GRIN2A: variants seen among roughly 807,000 people sequenced by gnomAD.
GRIN2A encodes the protein glutamate receptor ionotropic, NMDA 2A.
Under a neutral mutation model 113.4 loss-of-function variants are expected in GRIN2A, and 22 were observed. The ratio of observed to expected loss-of-function variants is 0.19; its 90% CI spans 0.14 to 0.28. The LOEUF (loss-of-function observed/expected upper bound fraction) is 0.28, where lower values mean the gene tolerates loss of function less well. Ranked by LOEUF, GRIN2A falls within the 10% of genes least tolerant of loss-of-function variation. The pLI is 1.00. For missense variants in GRIN2A, 1,502 were observed against 1,887.0 expected (o/e 0.80, Z 3.78); for synonymous variants, 827 against 738.4 (o/e 1.12, Z -1.94).
At chr16:10,046,784 T>C (rs1460318754) in intron 2 of GRIN2A, among the ~76,000 whole-genome samples, 1 of 152,180 alleles carries the variant, frequency 6.6e-6, no homozygotes, top group Non-Finnish European at 1.5e-5. Flanking sequence ...AAGTGCTTTG[T>C]GGGTATCATT....
At chr16:9,847,935 A>G (rs959836605) in intron 5 of GRIN2A, among the ~76,000 whole-genome samples, 16 of 146,028 alleles carry the variant, frequency 1.1e-4, no homozygotes, top group African/African-American at 3.7e-4. Context: ...ATATATATAT[A>G]AAAATATATA....
At chr16:9,915,275 G>A (rs9921963) in intron 3 of GRIN2A, among the ~76,000 whole-genome samples, 31,967 of 151,550 alleles carry the variant, frequency 0.21, 3,575 homozygotes, top group Middle Eastern at 0.28. Context: ...TGAAGCTGAC[G>A]GCAATTTACA....
chr16:9,876,832 G>A (rs558174801), intron 4 of GRIN2A, among the ~76,000 whole-genome samples: 1 of 152,284 alleles, frequency 6.6e-6, no homozygotes, highest in South Asian at 2.1e-4. Flanking sequence ...ATCTTTGGAT[G>A]ACTAGCTGGG....
chr16:10,031,559 G>C (rs943568194), intron 2 of GRIN2A: 1 of 152,264 alleles, frequency 6.6e-6, no homozygotes, highest in East Asian at 1.9e-4. Context: ...ACCCAGCAGA[G>C]AGCCCGTAGA....
chr16:10,059,441 T>C (rs1218846611), intron 2 of GRIN2A, among the ~76,000 whole-genome samples: 2 of 152,104 alleles, frequency 1.3e-5, no homozygotes, highest in Non-Finnish European at 2.9e-5. Flanking sequence ...GGGTACAGAA[T>C]TCAAGGAAGA....
intron 11 of GRIN2A, among the ~76,000 whole-genome samples, chr16:9,777,940 C>T (rs1451099557): frequency 1.3e-5 from 2 of 152,174 alleles, no homozygotes; most frequent in African/African-American, 4.8e-5. Context: ...TCGTGGGCGC[C>T]TGTAATCCCA....
intron 2 of GRIN2A, among the ~76,000 whole-genome samples, chr16:10,088,804 T>C (rs2048131134): frequency 6.6e-6 from 1 of 152,224 alleles, no homozygotes; most frequent in Non-Finnish European, 1.5e-5. Context: ...CATAGCCTTG[T>C]ATTCCCATCC....
intron 2 of GRIN2A, among the ~76,000 whole-genome samples, chr16:10,076,749 A>G (rs191258440): frequency 1.3e-5 from 2 of 152,326 alleles, no homozygotes; most frequent in Admixed American, 1.3e-4. Context: ...CACTGTGAAC[A>G]TTCCATCTGC....
At chr16:9,921,365 C>T (rs935735330) in intron 3 of GRIN2A, among the ~76,000 whole-genome samples, 10 of 152,106 alleles carry the variant, frequency 6.6e-5, no homozygotes, top group South Asian at 4.2e-4. Flanking sequence ...GTCCTCGGAC[C>T]GCATGAAAAC....
rs1235648393 is a variant in GRIN2A, at chr16:9,937,750, G to T, written c.1007+209C>A. On this transcript the variant is annotated intron_variant, in intron 3 of 12. Transcript: ENST00000330684. ...GATATATTGTTGAGTAGAAAAAAAA[G>T]TTAAGTTGCAGGAAACAAAGTCTAA... The T allele has an allele frequency of 1.7e-5, 10 of 592,140 alleles. No individual in the cohort carries two copies. The East Asian group carries it at 2.8e-4, about 17-fold the overall frequency. The allele number at this position is 592,140 out of a possible 1,614,324, so 36.7% of individuals were successfully genotyped here.
intron 2 of GRIN2A, among the ~76,000 whole-genome samples, chr16:9,989,827 C>T (rs541120044): frequency 6.6e-6 from 1 of 152,272 alleles, no homozygotes; most frequent in East Asian, 1.9e-4. Context: ...ATCAAAACTA[C>T]AGTGAGATAC....
intron 10 of GRIN2A, among the ~76,000 whole-genome samples, chr16:9,801,633 T>A (rs1903367477): frequency 6.6e-6 from 1 of 152,214 alleles, no homozygotes; most frequent in African/African-American, 2.4e-5. Flanking sequence ...GTACAAGGAA[T>A]AAAGGAAGTT....
intron 2 of GRIN2A, among the ~76,000 whole-genome samples, chr16:9,962,477 C>G (rs371069008): frequency 1.8e-4 from 28 of 152,172 alleles, no homozygotes; most frequent in Non-Finnish European, 3.4e-4. Flanking sequence ...CTTCTCAAAA[C>G]AAGACATTTA....
At position 9,763,683 on chromosome 16, in the gene GRIN2A, G is replaced by A. The variant is rs1447951387; in HGVS notation, c.3861C>T (p.Ser1287=). 3.1e-6 allele frequency: 5 copies of A among 1,613,882 alleles called. No individual in the cohort carries two copies. Among genetic ancestry groups the A allele is most frequent in the Admixed American group, 1.7e-5 (1 of 60,026 alleles). Residue 1287 remains serine, a synonymous_variant, in exon 13 of 13, where the codon AGC becomes AGT. Coordinates refer to ENST00000330684, the MANE Select transcript of GRIN2A (RefSeq NM_001134407.3). The part of the protein sequence containing the change: ...LQLQKNKLRI[S]RQHSYDNIVD... ...CAATGTTATCGTAGGAATGCTGACGGCTAATCCTTAGCTTGTTCTTTTGTA... is the reference window on the plus strand; with the variant it reads ...CAATGTTATCGTAGGAATGCTGACGACTAATCCTTAGCTTGTTCTTTTGTA...
In GRIN2A at chr16:10,043,375, GA is replaced by G. The variant is rs1183493681; in HGVS notation, c.415-104825del. On this transcript the variant is annotated intron_variant, in intron 2 of 12. Transcript: ENST00000330684. ...GTGGCACGCTAAGAAAGCACCCCAG[GA>G]TTTGCTCAGAAAGGCAGCCGGGATC... Among the ~76,000 whole-genome samples, 3 of 152,228 alleles carry G rather than the reference GA, an allele frequency of 2.0e-5. No homozygotes were observed. The East Asian group carries it at 5.8e-4, about 29-fold the overall frequency.
In GRIN2A at chr16:9,756,631, G is replaced by A. The variant is rs780514760; in HGVS notation, c.*6518C>T. ...GCCTCAGTTTCCTTATCTGTAAAAT[G>A]GGAGCAATCATATTTATATCTTAAG... On this transcript the variant is annotated 3_prime_UTR_variant, in exon 13 of 13. Transcript: ENST00000330684. 12 of 195,658 alleles carry A rather than the reference G, an allele frequency of 6.1e-5. No individual in the cohort carries two copies. The highest frequency in any genetic ancestry group is 1.9e-4 in the South Asian group (1 of 5,206). The allele number at this position is 195,658 out of a possible 1,614,324, so 12.1% of individuals were successfully genotyped here.
At chr16:9,891,932 T>C (rs1003913435) in intron 3 of GRIN2A, among the ~76,000 whole-genome samples, 1 of 152,002 alleles carries the variant, frequency 6.6e-6, no homozygotes, top group African/African-American at 2.4e-5. Flanking sequence ...ATGTCTGTCT[T>C]AAAACCGTGG....
At chr16:9,784,441 C>CAAAAAAAA (rs71400493) in intron 11 of GRIN2A, among the ~76,000 whole-genome samples, 1 of 126,684 alleles carries the variant, frequency 7.9e-6, no homozygotes, top group East Asian at 2.1e-4. Flanking sequence ...CAACAACAAC[C>CAAAAAAAA]AAAAAAAAAA....
At chr16:9,957,186 G>A (rs979141560) in intron 2 of GRIN2A, among the ~76,000 whole-genome samples, 2 of 152,160 alleles carry the variant, frequency 1.3e-5, no homozygotes, top group African/African-American at 4.8e-5. Flanking sequence ...CTGGCCCTGT[G>A]TGCTATCTCC....
Sources: allele counts gnomAD v4.1 joint callset (sites outside exome capture counted in the v4.1 genomes callset), GRCh38; gene constraint gnomAD v4.1.1; transcripts MANE v1.5; gene names NCBI Gene and HGNC (gene_info 2026-07-23, HGNC 2026-07-21).